ARHGAP32: variants seen among roughly 807,000 people sequenced by gnomAD.
The protein encoded by ARHGAP32 is rho GTPase-activating protein 32.
In ARHGAP32, 51 loss-of-function variants were observed where a neutral mutation model predicts 186.5. The ratio of observed to expected loss-of-function variants is 0.27; its 90% confidence interval spans 0.22 to 0.35. ARHGAP32 has a LOEUF of 0.35. Ranked by LOEUF, ARHGAP32 falls within the 10% of genes least tolerant of loss-of-function variation. The pLI, the probability that ARHGAP32 is intolerant of heterozygous loss-of-function variation, is 1.00. For missense variants in ARHGAP32, 2,186 were observed against 2,623.5 expected (o/e 0.83, Z 3.64); for synonymous variants, 950 against 964.3 (o/e 0.99, Z 0.27).
chr11:129,013,020 G>A (rs1938159359), intron 11 of ARHGAP32, among the ~76,000 whole-genome samples: 1 of 152,204 alleles, frequency 6.6e-6, no homozygotes, highest in African/African-American at 2.4e-5. Flanking sequence ...AGGACATTAG[G>A]TAACTGACTC....
intron 5 of ARHGAP32, among the ~76,000 whole-genome samples, chr11:129,097,625 G>T (rs1172908117): frequency 6.6e-6 from 1 of 151,850 alleles, no homozygotes; most frequent in Non-Finnish European, 1.5e-5. Flanking sequence ...TGAGTAATAG[G>T]AAGAAAAAAT....
chr11:128,998,880 T>G lies in ARHGAP32; in HGVS notation c.1046-412A>C, dbSNP rs372509938. ...CAATCAATACTCTTGTGGTTTCCTA[T>G]GCCTGTCTTTAATCTCTTAATCCCA... On this transcript the variant is annotated intron_variant, in intron 11 of 22. Transcript: ENST00000682385. Among the ~76,000 whole-genome samples the G allele has an allele frequency of 1.1e-4, 16 of 152,344 alleles. No individual in the cohort carries two copies. The East Asian group carries it at 2.7e-3, about 26-fold the overall frequency.
At chr11:129,275,729 C>G (rs1046756279) in intron 1 of ARHGAP32, among the ~76,000 whole-genome samples, 1 of 152,194 alleles carries the variant, frequency 6.6e-6, no homozygotes, top group South Asian at 2.1e-4. Flanking sequence ...TCCTACAAAA[C>G]TTTACTGAAG....
intron 2 of ARHGAP32, among the ~76,000 whole-genome samples, chr11:129,138,007 T>C (rs1210605916): frequency 6.6e-6 from 1 of 151,950 alleles, no homozygotes; most frequent in Non-Finnish European, 1.5e-5. Flanking sequence ...TAAAAGCACA[T>C]TAAAATATAT....
chr11:129,166,298 A>G (rs1943640160), intron 1 of ARHGAP32, among the ~76,000 whole-genome samples: 2 of 152,176 alleles, frequency 1.3e-5, no homozygotes, highest in South Asian at 4.1e-4. Flanking sequence ...GATGACAGAG[A>G]TAAGGGAGAT....
intron 1 of ARHGAP32, among the ~76,000 whole-genome samples, chr11:129,211,222 GC>G (rs1944578204): frequency 6.6e-6 from 1 of 151,964 alleles, no homozygotes; most frequent in Non-Finnish European, 1.5e-5. Context: ...GACTGCTATT[GC>G]TTTTATTAGT....
At chr11:129,031,239 T>TA (rs1462413795) in intron 11 of ARHGAP32, among the ~76,000 whole-genome samples, 4 of 152,190 alleles carry the variant, frequency 2.6e-5, no homozygotes, top group African/African-American at 9.7e-5. Context: ...TGAATTTAAA[T>TA]AACATAGTAA....
At chr11:129,139,108 C>A (rs187820014) in intron 2 of ARHGAP32, among the ~76,000 whole-genome samples, 2 of 152,012 alleles carry the variant, frequency 1.3e-5, no homozygotes, top group African/African-American at 4.8e-5. Context: ...GCACAAAAGT[C>A]GCTAAACATT....
At chr11:129,132,481 A>G (rs992546974) in intron 2 of ARHGAP32, among the ~76,000 whole-genome samples, 59 of 151,002 alleles carry the variant, frequency 3.9e-4, no homozygotes, top group East Asian at 2.5e-3. Flanking sequence ...AGGGGGAGAA[A>G]AAAAAAAAAA....
At chr11:129,176,463 C>T (rs1943917151) in intron 1 of ARHGAP32, among the ~76,000 whole-genome samples, 1 of 80,568 alleles carries the variant, frequency 1.2e-5, no homozygotes, top group Non-Finnish European at 3.1e-5. Flanking sequence ...GAACTCTCCA[C>T]CCCAAATCAA....
At position 129,268,664 on chromosome 11, in the gene ARHGAP32, CAAAAAAAAAAAAAA is replaced by C. The variant is rs58858606; in HGVS notation, c.-5+10468_-5+10481del. Reference sequence around the variant, plus strand: ...GCTCTTTCGTTATTTGCCTCCTCACCAAAAAAAAAAAAAAAAAAAAAAAAAAAAAAAGGTGAATT... The same window carrying C: ...GCTCTTTCGTTATTTGCCTCCTCACCAAAAAAAAAAAAAAAAAGGTGAATT... On this transcript the variant is annotated intron_variant, in intron 1 of 6. Transcript: ENST00000525234. Among the ~76,000 whole-genome samples, 11 of 46,400 alleles carry C rather than the reference CAAAAAAAAAAAAAA, an allele frequency of 2.4e-4. 1 individual carries two copies. The East Asian group carries it at 2.6e-3, about 11-fold the overall frequency. The allele number at this position is 46,400 out of a possible 152,430, so 30.4% of individuals were successfully genotyped here. A position where few individuals can be genotyped will look rare whatever the true frequency, so the allele number is the denominator to read the frequency against.
intron 1 of ARHGAP32, chr11:129,203,145 A>C (rs1944475160): frequency 6.6e-6 from 1 of 152,224 alleles, no homozygotes; most frequent in Non-Finnish European, 1.5e-5. Flanking sequence ...GGCAGACTCA[A>C]CAAATAACAA....
At chr11:128,979,249 CAG>C (rs1945641701) in intron 18 of ARHGAP32, among the ~76,000 whole-genome samples, 1 of 151,986 alleles carries the variant, frequency 6.6e-6, no homozygotes, top group Non-Finnish European at 1.5e-5. Flanking sequence ...AAAAATAACA[CAG>C]AGTTAAAGAA....
chr11:128,993,564 T>C (rs1017259746), intron 12 of ARHGAP32, among the ~76,000 whole-genome samples: 1 of 151,928 alleles, frequency 6.6e-6, no homozygotes, highest in Non-Finnish European at 1.5e-5. Flanking sequence ...ATTTTAGAGT[T>C]TAAAATATAT....
At chr11:129,265,633 G>C (rs1321572085) in intron 1 of ARHGAP32, among the ~76,000 whole-genome samples, 1 of 152,076 alleles carries the variant, frequency 6.6e-6, no homozygotes, top group Non-Finnish European at 1.5e-5. Flanking sequence ...TTCTATGATA[G>C]TACTACTACT....
At chr11:129,268,974 A>G (rs1050453393) in intron 1 of ARHGAP32, among the ~76,000 whole-genome samples, 2 of 152,228 alleles carry the variant, frequency 1.3e-5, no homozygotes, top group African/African-American at 2.4e-5. Flanking sequence ...GAGGGGGGTT[A>G]TAAATTAAAC....
At chr11:129,010,275 G>C (rs1288381890) in intron 11 of ARHGAP32, among the ~76,000 whole-genome samples, 1 of 152,130 alleles carries the variant, frequency 6.6e-6, no homozygotes, top group Admixed American at 6.5e-5. Flanking sequence ...TTCTTTTGCT[G>C]TGCTGAATCT....
rs1384027095 is a variant in ARHGAP32 at position 128,965,882 on chromosome 11, TAACAG to T, written c.*3020_*3024del. ...CTCCTCCGTCCCCACTCACGTTAGT[TAACAG>T]TCCCTCCTCTCTACAGAATTAGTCC... On this transcript the variant is annotated 3_prime_UTR_variant, in exon 23 of 23. Transcript: ENST00000682385. 6.6e-6 allele frequency: 1 copy of T among 152,196 alleles called. No individual in the cohort carries two copies. The highest frequency in any genetic ancestry group is 1.5e-5 in the Non-Finnish European group (1 of 68,040). The allele number at this position is 152,196 out of a possible 1,614,324, so 9.4% of individuals were successfully genotyped here.
At chr11:129,058,188 TACACACACACACACACACAC>T (rs58479028) in intron 10 of ARHGAP32, among the ~76,000 whole-genome samples, 7 of 133,858 alleles carry the variant, frequency 5.2e-5, no homozygotes, top group African/African-American at 2.0e-4. Flanking sequence ...AAAAAAAATA[TACACACACACACACACACAC>T]ACACACACAC....
Sources: allele counts gnomAD v4.1 joint callset (sites outside exome capture counted in the v4.1 genomes callset), GRCh38; gene constraint gnomAD v4.1.1; transcripts MANE v1.5; gene names NCBI Gene and HGNC (gene_info 2026-07-23, HGNC 2026-07-21).